HS6ST3: variants seen among roughly 807,000 people sequenced by gnomAD.
HS6ST3 encodes the protein heparan sulfate 6-O-sulfotransferase 3, also known as heparan-sulfate 6-O-sulfotransferase 3.
A neutral mutation model predicts 36.7 loss-of-function variants in HS6ST3; 12 were observed. The ratio of observed to expected loss-of-function variants is 0.33; its 90% CI spans 0.21 to 0.53. The LOEUF is 0.53. Among genes scored for constraint, HS6ST3 ranks in the 20% least tolerant of loss-of-function variants. The pLI is 0.95. For synonymous variants in HS6ST3, 240 were observed against 257.5 expected (o/e 0.93, Z 0.65); for missense variants, 584 against 640.9 (o/e 0.91, Z 0.96).
chr13:96,232,958 G>A (rs971326038), intron 1 of HS6ST3, among the ~76,000 whole-genome samples: 4 of 152,152 alleles, frequency 2.6e-5, no homozygotes, highest in African/African-American at 9.7e-5. Flanking sequence ...GAAGAGGTCT[G>A]CTTATTTTAT....
At chr13:96,198,918 G>T (rs539838499) in intron 1 of HS6ST3, among the ~76,000 whole-genome samples, 1 of 152,108 alleles carries the variant, frequency 6.6e-6, no homozygotes, top group Non-Finnish European at 1.5e-5. Flanking sequence ...TACTGTATTA[G>T]TCTGTTTTCA....
intron 1 of HS6ST3, among the ~76,000 whole-genome samples, chr13:96,189,807 C>T (rs2054280622): frequency 1.3e-5 from 2 of 152,172 alleles, no homozygotes; most frequent in African/African-American, 4.8e-5. Context: ...ACCCAAGAGA[C>T]TAAATCAACT....
intron 1 of HS6ST3, among the ~76,000 whole-genome samples, chr13:96,241,133 T>A (rs1025257949): frequency 1.4e-5 from 1 of 71,080 alleles, no homozygotes; most frequent in African/African-American, 5.6e-5. Context: ...GCAAATCAGG[T>A]CCTTTCTGTT....
chr13:96,760,571 G>A (rs1298782411), intron 1 of HS6ST3, among the ~76,000 whole-genome samples: 3 of 152,138 alleles, frequency 2.0e-5, no homozygotes, highest in East Asian at 3.9e-4. Flanking sequence ...GCGAATGTAG[G>A]TGTTAGGCTT....
chr13:96,277,768 A>G (rs1425628541), intron 1 of HS6ST3, among the ~76,000 whole-genome samples: 1 of 152,214 alleles, frequency 6.6e-6, no homozygotes, highest in Non-Finnish European at 1.5e-5. Context: ...AGATATGAAA[A>G]TAGTTATATT....
chr13:96,164,449 C>T (rs952455786), intron 1 of HS6ST3, among the ~76,000 whole-genome samples: 2 of 151,444 alleles, frequency 1.3e-5, no homozygotes, highest in East Asian at 1.9e-4. Flanking sequence ...CCTAGCTACT[C>T]GGGAGGCTGA....
intron 1 of HS6ST3, among the ~76,000 whole-genome samples, chr13:96,576,096 C>T (rs7998336): frequency 1.3e-5 from 2 of 148,682 alleles, no homozygotes; most frequent in South Asian, 2.2e-4. Flanking sequence ...GGAGAGGGAG[C>T]GGGGGCACAT....
chr13:96,134,094 G>A (rs1025833280), intron 1 of HS6ST3, among the ~76,000 whole-genome samples: 2 of 151,918 alleles, frequency 1.3e-5, no homozygotes, highest in African/African-American at 4.8e-5. Context: ...TTGACTGTAA[G>A]TTCATGGATT....
chr13:96,752,277 G>A (rs1316053296), intron 1 of HS6ST3, among the ~76,000 whole-genome samples: 2 of 151,876 alleles, frequency 1.3e-5, no homozygotes, highest in Non-Finnish European at 2.9e-5. Flanking sequence ...GATATTTGTA[G>A]CATTGCTAGT....
At chr13:96,118,118 C>A (rs566739922) in intron 1 of HS6ST3, among the ~76,000 whole-genome samples, 10 of 151,958 alleles carry the variant, frequency 6.6e-5, no homozygotes, top group African/African-American at 2.4e-4. Context: ...GTGATCCACC[C>A]ACATTGGCCT....
intron 1 of HS6ST3, among the ~76,000 whole-genome samples, chr13:96,316,364 G>A (rs1256001075): frequency 1.3e-5 from 2 of 151,010 alleles, no homozygotes; most frequent in African/African-American, 2.4e-5. Flanking sequence ...GCTTCAAAAC[G>A]AAGAATCAAA....
chr13:96,488,588 G>T (rs758385372), intron 1 of HS6ST3, among the ~76,000 whole-genome samples: 1 of 152,020 alleles, frequency 6.6e-6, no homozygotes, highest in African/African-American at 2.4e-5. Context: ...TGCTTTTGTT[G>T]TCTAGTTTTT....
chr13:96,142,021 T>C (rs1166731160), intron 1 of HS6ST3, among the ~76,000 whole-genome samples: 2 of 127,086 alleles, frequency 1.6e-5, no homozygotes, highest in African/African-American at 6.0e-5. Flanking sequence ...ATGAAAGTGA[T>C]TGTGGTCATG....
chr13:96,838,328 G>C lies in HS6ST3; in HGVS notation c.*5130G>C, dbSNP rs980139467. 1 of 152,222 alleles carries C rather than the reference G, an allele frequency of 6.6e-6. No individual in the cohort carries two copies. The highest frequency in any genetic ancestry group is 1.9e-4 in the East Asian group (1 of 5,204). The allele number at this position is 152,222 out of a possible 1,614,324, so 9.4% of individuals were successfully genotyped here. On this transcript the variant is annotated 3_prime_UTR_variant, in exon 2 of 2. Transcript: ENST00000376705. ...ATGAATGAAGAGGATCTTGAGACAG[G>C]ACCAGAGCATTGGAATGGTTGTAGG... is the stretch of plus-strand genomic sequence containing the variant.
chr13:96,674,848 T>C (rs2056693894), intron 1 of HS6ST3, among the ~76,000 whole-genome samples: 1 of 152,182 alleles, frequency 6.6e-6, no homozygotes, highest in Admixed American at 6.5e-5. Context: ...TTGATGCCTG[T>C]CACTTGCTTT....
intron 1 of HS6ST3, among the ~76,000 whole-genome samples, chr13:96,190,693 A>G (rs1321189375): frequency 6.6e-6 from 1 of 152,216 alleles, no homozygotes; most frequent in African/African-American, 2.4e-5. Flanking sequence ...TAAAGGAACT[A>G]AATACAGATA....
intron 1 of HS6ST3, among the ~76,000 whole-genome samples, chr13:96,691,230 A>T (rs1407378991): frequency 6.6e-6 from 1 of 152,280 alleles, no homozygotes; most frequent in East Asian, 1.9e-4. Flanking sequence ...TCACAGGGCC[A>T]TGTGTAAATG....
chr13:96,144,942 C>G (rs1328870421), intron 1 of HS6ST3, among the ~76,000 whole-genome samples: 1 of 151,116 alleles, frequency 6.6e-6, no homozygotes, highest in Non-Finnish European at 1.5e-5. Flanking sequence ...ATGATGGTTT[C>G]CAGCTTCCTC....
intron 1 of HS6ST3, among the ~76,000 whole-genome samples, chr13:96,117,036 C>T (rs1329560271): frequency 6.6e-6 from 1 of 152,190 alleles, no homozygotes; most frequent in Non-Finnish European, 1.5e-5. Flanking sequence ...CCAATTTACT[C>T]ATCTGTAAAA....
Sources: allele counts gnomAD v4.1 joint callset (sites outside exome capture counted in the v4.1 genomes callset), GRCh38; gene constraint gnomAD v4.1.1; transcripts MANE v1.5; gene names NCBI Gene and HGNC (gene_info 2026-07-23, HGNC 2026-07-21).